RNLS: variants seen among roughly 807,000 people sequenced by gnomAD.
The protein encoded by RNLS is renalase, FAD dependent amine oxidase, also known as renalase.
In RNLS, 39 loss-of-function variants were observed where a neutral mutation model predicts 39.8. The observed-to-expected ratio is 0.98, with a 90% CI of 0.76 to 1.28. The LOEUF (loss-of-function observed/expected upper bound fraction) is 1.28, where lower values mean the gene tolerates loss of function less well. Ranked by LOEUF, RNLS falls within the 50% of genes most tolerant of loss-of-function variation. RNLS has a pLI of 0.00. For synonymous variants in RNLS, 147 were observed against 150.7 expected (o/e 0.98, Z 0.18); for missense variants, 410 against 413.3 (o/e 0.99, Z 0.07).
At chr10:88,532,960 T>G (rs1269638935) in intron 4 of RNLS, among the ~76,000 whole-genome samples, 1 of 152,060 alleles carries the variant, frequency 6.6e-6, no homozygotes, top group African/African-American at 2.4e-5. Context: ...TCTAGAATAC[T>G]TTTTCATGAA....
chr10:88,270,371 A>T (rs980271936), downstream of RNLS, among the ~76,000 whole-genome samples: 8 of 152,256 alleles, frequency 5.3e-5, no homozygotes, highest in East Asian at 1.5e-3. Context: ...GGCTTGCCTC[A>T]GTCTTCAGGC....
intron 5 of RNLS, among the ~76,000 whole-genome samples, chr10:88,333,156 A>C (rs115398175): frequency 6.6e-6 from 1 of 152,192 alleles, no homozygotes; most frequent in Admixed American, 6.5e-5. Flanking sequence ...TTGGACGAAT[A>C]TATTTTTGAA....
chr10:88,338,450 C>G (rs1331987715), intron 5 of RNLS, among the ~76,000 whole-genome samples: 6 of 152,162 alleles, frequency 3.9e-5, no homozygotes, highest in Non-Finnish European at 8.8e-5. Context: ...AATTCACATA[C>G]TGAAACGGAC....
chr10:88,479,352 C>T (rs1274729040), intron 4 of RNLS, among the ~76,000 whole-genome samples: 1 of 152,154 alleles, frequency 6.6e-6, no homozygotes, highest in African/African-American at 2.4e-5. Flanking sequence ...AAATCATTTT[C>T]ATGTTTCCAC....
chr10:88,241,458 C>T, the RNLS span, among the ~76,000 whole-genome samples: 3 of 152,046 alleles, frequency 2.0e-5, no homozygotes, highest in Non-Finnish European at 2.9e-5. Context: ...ATGTGATTCT[C>T]TTATGATTTT....
At chr10:88,227,220 T>C in the RNLS span, among the ~76,000 whole-genome samples, 2 of 152,148 alleles carry the variant, frequency 1.3e-5, no homozygotes, top group African/African-American at 4.8e-5. Context: ...AATGACATGG[T>C]GAAAATACAT....
chr10:88,282,547 C>T (rs1843058421), downstream of RNLS, among the ~76,000 whole-genome samples: 1 of 148,038 alleles, frequency 6.8e-6, no homozygotes. Flanking sequence ...GTATAAAATG[C>T]CAGAAAAATG....
At chr10:88,291,873 A>T (rs1843693101) in intron 6 of RNLS, among the ~76,000 whole-genome samples, 1 of 152,116 alleles carries the variant, frequency 6.6e-6, no homozygotes, top group African/African-American at 2.4e-5. Context: ...ACCCCTCTCC[A>T]GGACACTACC....
rs112577039 is a variant in RNLS at position 88,521,253 on chromosome 10, T to C, written c.526+51650A>G. ...ATTCTTTAACCCACTACACCTGAGC[T>C]ATGTTTGTTTCCCTGATAAAGACTA... On this transcript the variant is annotated intron_variant, in intron 4 of 6. Transcript: ENST00000331772. Among the ~76,000 whole-genome samples, 127 of 152,154 alleles carry C rather than the reference T, an allele frequency of 8.3e-4. 1 individual carries two copies. Among genetic ancestry groups the C allele is most frequent in the African/African-American group, 2.9e-3 (120 of 41,550 alleles).
intron 4 of RNLS, among the ~76,000 whole-genome samples, chr10:88,509,578 T>A (rs1845988960): frequency 6.6e-6 from 1 of 152,084 alleles, no homozygotes. Flanking sequence ...AGCATTTGAT[T>A]GCCTTTTTAA....
chr10:88,456,448 T>C (rs1842633049), intron 4 of RNLS, among the ~76,000 whole-genome samples: 1 of 152,060 alleles, frequency 6.6e-6, no homozygotes, highest in African/African-American at 2.4e-5. Flanking sequence ...TGTTAGAAAT[T>C]GTAGGGACCA....
At chr10:88,377,957 T>C (rs1265722900) in intron 4 of RNLS, among the ~76,000 whole-genome samples, 3 of 152,072 alleles carry the variant, frequency 2.0e-5, no homozygotes, top group Non-Finnish European at 2.9e-5. Context: ...CCTTATTTTA[T>C]AAATTTGTAT....
intron 4 of RNLS, among the ~76,000 whole-genome samples, chr10:88,528,236 T>C (rs1384158152): frequency 6.6e-6 from 1 of 152,180 alleles, no homozygotes; most frequent in African/African-American, 2.4e-5. Flanking sequence ...TGCCACATTT[T>C]TAGCAGTAAA....
intron 4 of RNLS, among the ~76,000 whole-genome samples, chr10:88,559,579 T>TG (rs1849057072): frequency 6.6e-6 from 1 of 152,172 alleles, no homozygotes; most frequent in African/African-American, 2.4e-5. Flanking sequence ...TATTTCAAAC[T>TG]TTATGATAAG....
chr10:88,469,816 TGTGTGC>T (rs1256836056), intron 4 of RNLS, among the ~76,000 whole-genome samples: 8 of 121,706 alleles, frequency 6.6e-5, no homozygotes, highest in African/African-American at 2.2e-4. Context: ...TATTTTTATG[TGTGTGC>T]GTGTGTGTGT....
At chr10:88,514,186 T>C (rs1846290333) in intron 4 of RNLS, among the ~76,000 whole-genome samples, 1 of 150,848 alleles carries the variant, frequency 6.6e-6, no homozygotes, top group East Asian at 1.9e-4. Flanking sequence ...TCAGGAAACT[T>C]ACAATCATGG....
intron 4 of RNLS, among the ~76,000 whole-genome samples, chr10:88,419,233 TA>T (rs949614285): frequency 2.6e-5 from 4 of 152,220 alleles, no homozygotes; most frequent in African/African-American, 9.6e-5. Context: ...AAATGGTATT[TA>T]AAGGAAGTCT....
the RNLS span, among the ~76,000 whole-genome samples, chr10:88,177,446 A>G: frequency 6.6e-6 from 1 of 152,148 alleles, no homozygotes; most frequent in Non-Finnish European, 1.5e-5. Flanking sequence ...TTCTAATAAT[A>G]TCTATCTCTG....
chr10:88,363,428 C>A (rs186952098), intron 4 of RNLS, among the ~76,000 whole-genome samples: 2 of 151,968 alleles, frequency 1.3e-5, no homozygotes, highest in Admixed American at 6.6e-5. Flanking sequence ...ACAAAAACTG[C>A]TACACACACA....
Sources: gnomAD v4.1 joint callset for allele counts (sites outside exome capture counted in the v4.1 genomes callset) on GRCh38, gnomAD v4.1.1 for gene constraint, MANE v1.5 for transcripts, NCBI Gene and HGNC (gene_info 2026-07-23, HGNC 2026-07-21) for gene names.